NRG4: variants seen among roughly 807,000 people sequenced by gnomAD.
The protein encoded by NRG4 is neuregulin 4.
A neutral mutation model predicts 15.0 loss-of-function variants in NRG4; 10 were observed. That is an observed-to-expected ratio of 0.67 (90% CI 0.41 to 1.13). NRG4 has a LOEUF of 1.13. Among genes scored for constraint, NRG4 ranks in the 50% most tolerant of loss-of-function variants. The pLI is 0.00. For synonymous variants in NRG4, 41 were observed against 50.1 expected (o/e 0.82, Z 0.77); for missense variants, 139 against 140.2 (o/e 0.99, Z 0.04).
intron 4 of NRG4, among the ~76,000 whole-genome samples, chr15:76,042,201 T>G (rs532076543): frequency 3.9e-5 from 6 of 152,114 alleles, no homozygotes; most frequent in Admixed American, 2.0e-4. Flanking sequence ...GAGAAGTTTA[T>G]AGCTATAAGC....
At position 75,941,919 on chromosome 15, in the gene NRG4, C is replaced by G. The variant is rs2030998854; in HGVS notation, c.*1719G>C. ...AATTTAAATCTTACGTACATTTTGC[C>G]ACAGTAAATTTTTAAACCACCAAAA... On this transcript the variant is annotated 3_prime_UTR_variant, in exon 6 of 6. Coordinates refer to ENST00000394907, the MANE Select transcript of NRG4 (RefSeq NM_138573.4). 8.8e-6 allele frequency: 1 copy of G among 113,094 alleles called. No homozygotes were observed. The highest frequency in any genetic ancestry group is 3.5e-5 in the African/African-American group (1 of 28,756). 7.0% of individuals were successfully genotyped at this position (113,094 alleles called of 1,614,324 possible). A position where few individuals can be genotyped will look rare whatever the true frequency, so the allele number is the denominator to read the frequency against.
chr15:76,021,034 A>G (rs1195962170), intron 5 of NRG4, among the ~76,000 whole-genome samples: 1 of 152,226 alleles, frequency 6.6e-6, no homozygotes, highest in African/African-American at 2.4e-5. Context: ...AGAGAAGTCA[A>G]TGTCTGGCTT....
At chr15:75,937,644 A>G (rs538773691), downstream of NRG4, 1 of 141,496 alleles carries the variant, frequency 7.1e-6, no homozygotes, top group East Asian at 2.0e-4. Context: ...GTGACTTTTT[A>G]GTGGCTCTTG....
chr15:76,036,293 T>C (rs1267498091), intron 4 of NRG4, among the ~76,000 whole-genome samples: 4 of 152,228 alleles, frequency 2.6e-5, no homozygotes, highest in East Asian at 1.9e-4. Flanking sequence ...TAAACAACTT[T>C]ATGTAAAATG....
At chr15:76,029,597 C>T (rs956151671) in intron 5 of NRG4, among the ~76,000 whole-genome samples, 8 of 152,064 alleles carry the variant, frequency 5.3e-5, no homozygotes, top group Non-Finnish European at 1.0e-4. Flanking sequence ...ATACAAACAT[C>T]GACATATAAA....
At chr15:75,955,885 G>C (rs778562696) in intron 5 of NRG4, 47 bp downstream of exon 5, 3 of 1,072,334 alleles carry the variant, frequency 2.8e-6, no homozygotes, top group Non-Finnish European at 4.3e-6. Flanking sequence ...AACAACAACA[G>C]TCTCATCTAG....
chr15:76,032,296 A>C (rs914072713), intron 5 of NRG4, among the ~76,000 whole-genome samples: 1 of 152,196 alleles, frequency 6.6e-6, no homozygotes, highest in East Asian at 1.9e-4. Flanking sequence ...CTCAGGGTAC[A>C]TCAGAAAAGA....
intron 4 of NRG4, among the ~76,000 whole-genome samples, chr15:75,960,342 A>G (rs1172646320): frequency 1.3e-5 from 2 of 152,186 alleles, no homozygotes; most frequent in Admixed American, 1.3e-4. Context: ...CCTAATTCCA[A>G]AGATGGGTGT....
rs938851842 is a variant in NRG4, at chr15:76,051,680, C to T, written c.-105+387G>A. On this transcript the variant is annotated intron_variant, in intron 4 of 8. Transcript: ENST00000563910. ...CGGGGTTCATGCCATTCTCCTGCCTCGGCCTCCAGAGCAGCTGGGACCACA... is the reference window on the plus strand; with the variant it reads ...CGGGGTTCATGCCATTCTCCTGCCTTGGCCTCCAGAGCAGCTGGGACCACA... Among the ~76,000 whole-genome samples the T allele has an allele frequency of 2.0e-5, 3 of 149,910 alleles. 1 individual carries two copies. Among genetic ancestry groups the T allele is most frequent in the African/African-American group, 5.0e-5 (2 of 39,778 alleles).
At chr15:76,019,048 A>C (rs1181351736) in intron 5 of NRG4, among the ~76,000 whole-genome samples, 2 of 151,912 alleles carry the variant, frequency 1.3e-5, no homozygotes, top group African/African-American at 4.8e-5. Flanking sequence ...AGAAATCTAG[A>C]GAGGCAGTCT....
intron 3 of NRG4, among the ~76,000 whole-genome samples, chr15:75,972,626 A>G (rs536289802): frequency 2.0e-5 from 3 of 152,186 alleles, no homozygotes; most frequent in African/African-American, 7.2e-5. Flanking sequence ...TGAAGTGGAG[A>G]ATCCTTTCCC....
At chr15:75,936,313 A>G (rs1296196187), downstream of NRG4, 3 of 152,210 alleles carry the variant, frequency 2.0e-5, no homozygotes, top group East Asian at 3.8e-4. Flanking sequence ...TGAAAATCCT[A>G]AAATAATAAA....
At chr15:76,007,050 TTAAATC>T (rs1358234387) in intron 3 of NRG4, among the ~76,000 whole-genome samples, 1 of 152,164 alleles carries the variant, frequency 6.6e-6, no homozygotes, top group Non-Finnish European at 1.5e-5. Context: ...GAAAAAATGT[TTAAATC>T]TAAAACTGAA....
At chr15:76,011,161 T>C in intron 2 of NRG4, 60 bp downstream of exon 2, 1 of 1,270,844 alleles carries the variant, frequency 7.9e-7, no homozygotes, top group Non-Finnish European at 1.0e-6. Context: ...ACATTTTTGA[T>C]TGTTGTTCTA....
chr15:75,971,265 G>T, intron 3 of NRG4: 1 of 455,544 alleles, frequency 2.2e-6, no homozygotes, highest in Non-Finnish European at 4.4e-6. Context: ...AAACAATAAG[G>T]GTTTTGGTTT....
rs76283867 is a variant in NRG4, at chr15:75,994,977, T to C, written c.104+14223A>G. Among the ~76,000 whole-genome samples the C allele has an allele frequency of 2.5e-3, 380 of 152,032 alleles. 3 individuals carry two copies. Among genetic ancestry groups the C allele is most frequent in the African/African-American group, 8.8e-3 (364 of 41,474 alleles). Reference sequence around the variant, plus strand: ...TTGCTTGAGCCCAGTCTTGACAACATAGGAAGTTCAAGTCCAGTCTGGACA... The same window carrying C: ...TTGCTTGAGCCCAGTCTTGACAACACAGGAAGTTCAAGTCCAGTCTGGACA... On this transcript the variant is annotated intron_variant, in intron 3 of 5. Transcript: ENST00000394907.
At chr15:76,054,963 T>A (rs540456872) in intron 2 of NRG4, among the ~76,000 whole-genome samples, 1 of 152,298 alleles carries the variant, frequency 6.6e-6, no homozygotes, top group South Asian at 2.1e-4. Flanking sequence ...AATTCAAAGT[T>A]AAATGTATTA....
Position 75,979,756 on chromosome 15 carries a change from G to A in NRG4, c.105-17782C>T, listed in dbSNP as rs188738305. Among the ~76,000 whole-genome samples, 22 of 152,202 alleles carry A rather than the reference G, an allele frequency of 1.4e-4. No individual in the cohort carries two copies. The East Asian group carries it at 4.0e-3, about 28-fold the overall frequency. The stretch of plus-strand genomic sequence containing the variant: ...TACTGTATTTTAATGTTTAGTTTTT[G>A]TATGTCTAAGTAAATTTACTAAATT... On this transcript the variant is annotated intron_variant, in intron 3 of 5. Transcript: ENST00000394907.
chr15:75,974,513 C>G (rs138362405), intron 3 of NRG4, among the ~76,000 whole-genome samples: 64 of 152,254 alleles, frequency 4.2e-4, no homozygotes, highest in African/African-American at 1.4e-3. Context: ...AAATTGCCCT[C>G]TAAACACTGC....
Sources: gnomAD v4.1 joint callset for allele counts (sites outside exome capture counted in the v4.1 genomes callset) on GRCh38, gnomAD v4.1.1 for gene constraint, MANE v1.5 for transcripts, NCBI Gene and HGNC (gene_info 2026-07-23, HGNC 2026-07-21) for gene names.